PUDP: variants seen among roughly 807,000 people sequenced by gnomAD.
PUDP encodes the protein pseudouridine 5'-phosphatase.
In PUDP, 8 loss-of-function variants were observed where a neutral mutation model predicts 9.4. The ratio of observed to expected loss-of-function variants is 0.85; its 90% CI spans 0.50 to 1.53. The LOEUF is 1.53. PUDP is among the 40% of genes most tolerant of loss of function. PUDP has a pLI of 0.00. For missense variants in PUDP, 188 were observed against 189.7 expected, an observed-to-expected ratio of 0.99 and a Z score of 0.05; for synonymous variants, 99 against 80.7, an observed-to-expected ratio of 1.23 and a Z score of -1.22.
chrX:6,745,388 A>T (rs190259384), intron 3 of PUDP, among the ~76,000 whole-genome samples: 283 of 112,159 alleles, frequency 2.5e-3, no homozygotes, highest in African/African-American at 8.9e-3. Context: ...TCTTTGAGGT[A>T]AATTGTTTAG....
At chrX:6,755,709 A>G (rs1679147667) in intron 3 of PUDP, among the ~76,000 whole-genome samples, 1 of 111,031 alleles carries the variant, frequency 9.0e-6, no homozygotes, top group Admixed American at 9.6e-5. Context: ...TAAAATGTAT[A>G]TGGAGCATCT....
chrX:7,102,698 TAA>T (rs1416637352), intron 2 of PUDP, among the ~76,000 whole-genome samples: 1 of 103,903 alleles, frequency 9.6e-6, no homozygotes, highest in African/African-American at 3.5e-5. Context: ...TTCAACATAT[TAA>T]AAAAAAAAAC....
intron 3 of PUDP, among the ~76,000 whole-genome samples, chrX:7,058,207 GTC>G (rs1186356522): frequency 8.9e-6 from 1 of 112,131 alleles, no homozygotes; most frequent in African/African-American, 3.2e-5. Flanking sequence ...ACTATGATGT[GTC>G]TGTTTTAAAT....
intron 1 of PUDP, among the ~76,000 whole-genome samples, chrX:7,115,459 T>C (rs1490710358): frequency 1.8e-5 from 2 of 112,356 alleles, no homozygotes; most frequent in African/African-American, 3.2e-5. Context: ...TGAAAGATAT[T>C]GGAAAATAAG....
Position 7,105,282 on chromosome X carries a change from GA to G in PUDP, c.280+337del. On this transcript the variant is annotated intron_variant, in intron 2 of 3. Coordinates refer to ENST00000381077, the MANE Select transcript of PUDP (RefSeq NM_012080.5). The stretch of plus-strand genomic sequence containing the variant: ...TTAATCCTATATCTGATTTTGAAAA[GA>G]AAAAGGCAAAACCATCTATTAAGGT... 2.7e-5 allele frequency among the ~76,000 whole-genome samples: 3 copies of G among 109,921 alleles called. No homozygotes were observed. The East Asian group carries it at 8.5e-4, about 31-fold the overall frequency.
chrX:6,821,104 TGG>T (rs1387344501), intron 3 of PUDP, among the ~76,000 whole-genome samples: 1 of 110,956 alleles, frequency 9.0e-6, no homozygotes, highest in Non-Finnish European at 1.9e-5. Context: ...TGCCAAGGGT[TGG>T]AACTTCCACC....
rs1177226318 is a variant in PUDP at position 7,096,572 on chromosome X, G to A, written c.280+9048C>T. Among the ~76,000 whole-genome samples the A allele has an allele frequency of 3.6e-5, 4 of 111,355 alleles. No homozygotes were observed. The East Asian group carries it at 8.4e-4, about 23-fold the overall frequency. On this transcript the variant is annotated intron_variant, in intron 2 of 3. Transcript: ENST00000381077. The stretch of plus-strand genomic sequence containing the variant: ...AGGCCCAGTGTGGTGGCTCATGTCT[G>A]TAATCCCAGCACTTTGGGAGGCTGA...
rs774034381 is a variant in PUDP, at chrX:6,839,877, G to C, written c.*248-133411C>G. ...TTGCACTCTTTGGTATTTACCCAAA[G>C]GAGTTAAAAATGTATGCCCCCCCCT... is the stretch of plus-strand genomic sequence containing the variant. On this transcript the variant is annotated intron_variant and NMD_transcript_variant, in intron 3 of 3. Coordinates refer to the PUDP transcript ENST00000655425. 3.1e-5 allele frequency among the ~76,000 whole-genome samples: 3 copies of C among 97,178 alleles called. No individual in the cohort carries two copies. The South Asian group carries it at 1.6e-3, about 51-fold the overall frequency. The allele number at this position is 97,178 out of a possible 115,157, so 84.4% of individuals were successfully genotyped here.
At chrX:7,077,599 G>A (rs1181798640) in intron 2 of PUDP, 150 bp from the exon 3 acceptor site, 14 of 455,138 alleles carry the variant, frequency 3.1e-5, no homozygotes, top group African/African-American at 2.2e-4. Flanking sequence ...GTCTAAAAGC[G>A]GTTGTCAGCT....
chrX:6,984,884 A>G (rs1929083958), intron 1 of PUDP, among the ~76,000 whole-genome samples: 1 of 111,860 alleles, frequency 8.9e-6, no homozygotes, highest in Non-Finnish European at 1.9e-5. Context: ...AGGTGATTCA[A>G]TACCAACTGG....
intron 3 of PUDP, among the ~76,000 whole-genome samples, chrX:6,887,575 C>G (rs1261288743): frequency 9.0e-6 from 1 of 110,565 alleles, no homozygotes; most frequent in Non-Finnish European, 1.9e-5. Flanking sequence ...TTCCAACAGT[C>G]AAGTTAGAGT....
chrX:7,007,756 G>A (rs1178081965), intron 1 of PUDP, among the ~76,000 whole-genome samples: 1 of 111,863 alleles, frequency 8.9e-6, no homozygotes, highest in Middle Eastern at 4.6e-3. Flanking sequence ...CCAGCTCCAC[G>A]ACTGATGGCA....
chrX:7,024,751 TAAC>T (rs1196333719), intron 1 of PUDP, among the ~76,000 whole-genome samples: 1 of 77,248 alleles, frequency 1.3e-5, no homozygotes, highest in Non-Finnish European at 2.6e-5. Flanking sequence ...CTCGCCCGGC[TAAC>T]TTTTTTTTTT....
chrX:6,826,862 C>G lies in PUDP; in HGVS notation c.*248-120396G>C, dbSNP rs777999495. Among the ~76,000 whole-genome samples the G allele has an allele frequency of 3.3e-3, 370 of 111,829 alleles. 4 individuals are homozygous for G. The highest frequency in any genetic ancestry group is 5.7e-3 in the Non-Finnish European group (304 of 53,077). Reference sequence around the variant, plus strand: ...AGGAAAACCACAGATTGACCATAAACTCCTGGAGAAACTAGGGTGAAGTCC... The same window carrying G: ...AGGAAAACCACAGATTGACCATAAAGTCCTGGAGAAACTAGGGTGAAGTCC... On this transcript the variant is annotated intron_variant and NMD_transcript_variant, in intron 3 of 3. Transcript: ENST00000655425.
At chrX:7,145,807 T>C (rs1487936080) in intron 1 of PUDP, among the ~76,000 whole-genome samples, 1 of 111,706 alleles carries the variant, frequency 9.0e-6, no homozygotes, top group Admixed American at 9.6e-5. Flanking sequence ...TATGCAAGTA[T>C]TGGGGCTACA....
chrX:7,143,463 T>C (rs1411021164), intron 1 of PUDP, among the ~76,000 whole-genome samples: 5 of 112,216 alleles, frequency 4.5e-5, no homozygotes, highest in Non-Finnish European at 7.5e-5. Context: ...TGCTGAATAT[T>C]TGTGTTGCCA....
At chrX:6,836,726 A>T (rs1164271009) in intron 3 of PUDP, among the ~76,000 whole-genome samples, 1 of 109,318 alleles carries the variant, frequency 9.1e-6, no homozygotes, top group Non-Finnish European at 1.9e-5. Context: ...CAAGACTCTT[A>T]ATTTAATCAC....
At chrX:7,031,002 C>T (rs1276853575) in intron 1 of PUDP, among the ~76,000 whole-genome samples, 1 of 111,642 alleles carries the variant, frequency 9.0e-6, no homozygotes, top group African/African-American at 3.3e-5. Flanking sequence ...ATTATTCATG[C>T]CTCCCCTTTT....
chrX:7,027,130 G>A (rs993984891), intron 1 of PUDP, among the ~76,000 whole-genome samples: 2 of 111,551 alleles, frequency 1.8e-5, no homozygotes, highest in African/African-American at 6.5e-5. Context: ...GTGACACACT[G>A]TGTTTAGCTT....
Sources: allele counts gnomAD v4.1 joint callset (sites outside exome capture counted in the v4.1 genomes callset), GRCh38; gene constraint gnomAD v4.1.1; transcripts MANE v1.5; gene names NCBI Gene and HGNC (gene_info 2026-07-23, HGNC 2026-07-21).